AAK1: variants seen among roughly 807,000 people sequenced by gnomAD.
The protein encoded by AAK1 is AP2-associated protein kinase 1.
Under a neutral mutation model 116.0 loss-of-function variants are expected in AAK1, and 37 were observed. The observed-to-expected ratio is 0.32, with a 90% CI of 0.25 to 0.42. AAK1 has a LOEUF of 0.42. AAK1 is among the 10% of genes least tolerant of loss of function. AAK1 has a pLI of 1.00. For missense variants in AAK1, 919 were observed against 1,170.6 expected (o/e 0.79, Z 3.14); for synonymous variants, 458 against 439.9 (o/e 1.04, Z -0.51).
chr2:69,503,998 T>TAA (rs11461187), intron 16 of AAK1, among the ~76,000 whole-genome samples: 115 of 135,994 alleles, frequency 8.5e-4, no homozygotes, highest in Admixed American at 2.7e-3. Flanking sequence ...AAATTCCGTC[T>TAA]AAAAAAAAAA....
Position 69,473,639 on chromosome 2 carries a change from A to G in AAK1, c.*2230T>C. 1 of 980,184 alleles carries G rather than the reference A, an allele frequency of 1.0e-6. No homozygotes were observed. Among genetic ancestry groups the G allele is most frequent in the Middle Eastern group, 5.2e-4 (1 of 1,908 alleles). The allele number at this position is 980,184 out of a possible 1,614,324, so 60.7% of individuals were successfully genotyped here. ...GTAATTATGGGTAATATATGAAAAG[A>G]ACAATTTAGAGATACCTAATTTCTA... On this transcript the variant is annotated 3_prime_UTR_variant, in exon 22 of 22. Transcript: ENST00000409085.
chr2:69,499,701 G>A (rs897656194), intron 16 of AAK1, among the ~76,000 whole-genome samples: 3 of 152,032 alleles, frequency 2.0e-5, no homozygotes, highest in Non-Finnish European at 4.4e-5. Flanking sequence ...CTGCTTTTAA[G>A]TCCTTGAAAT....
At chr2:69,528,948 TCCAACAATTATTAAATGTCATAATC>T (rs1489430251) in intron 8 of AAK1, among the ~76,000 whole-genome samples, 2 of 139,978 alleles carry the variant, frequency 1.4e-5, no homozygotes. Context: ...CTTAAAACAA[TCCAACAATTATTAAATGTCATAATC>T]CAGCCCTTTA....
At chr2:69,557,042 G>T in intron 2 of AAK1, 64 bp from the exon 3 acceptor site, 1 of 1,242,982 alleles carries the variant, frequency 8.0e-7, no homozygotes, top group Non-Finnish European at 1.2e-6. Flanking sequence ...ACATAACTGT[G>T]GTGGCTGGAG....
At chr2:69,550,175 G>A (rs942633659) in intron 3 of AAK1, among the ~76,000 whole-genome samples, 5 of 152,268 alleles carry the variant, frequency 3.3e-5, no homozygotes, top group South Asian at 2.1e-4. Context: ...CTACTGCACC[G>A]CACTGAGCTC....
At chr2:69,620,210 T>C (rs1029044806) in intron 2 of AAK1, among the ~76,000 whole-genome samples, 3 of 152,158 alleles carry the variant, frequency 2.0e-5, no homozygotes, top group African/African-American at 7.2e-5. Flanking sequence ...GATTTTCTGA[T>C]AAACTGAATG....
intron 2 of AAK1, among the ~76,000 whole-genome samples, chr2:69,565,478 C>T (rs934144754): frequency 6.6e-6 from 1 of 152,210 alleles, no homozygotes; most frequent in Non-Finnish European, 1.5e-5. Flanking sequence ...AACTAAAACA[C>T]AGTGAAAAGC....
chr2:69,532,277 C>T, intron 5 of AAK1, 115 bp from the exon 6 acceptor site: 1 of 1,301,082 alleles, frequency 7.7e-7, no homozygotes, highest in Admixed American at 2.1e-5. Context: ...CATTAATGTG[C>T]ACAGGGAAGT....
intron 13 of AAK1, 78 bp downstream of exon 13, chr2:69,514,393 A>G: frequency 4.8e-6 from 7 of 1,450,780 alleles, no homozygotes; most frequent in Non-Finnish European, 5.5e-6. Flanking sequence ...AGCTGCTGCC[A>G]TCTTTCCCAC....
intron 2 of AAK1, among the ~76,000 whole-genome samples, chr2:69,572,503 C>T (rs1362124889): frequency 2.6e-5 from 4 of 151,568 alleles, no homozygotes; most frequent in African/African-American, 7.3e-5. Context: ...ACTGTCATCC[C>T]AGCTACTCGG....
At chr2:69,502,012 A>G (rs1224950305) in intron 16 of AAK1, among the ~76,000 whole-genome samples, 1 of 152,144 alleles carries the variant, frequency 6.6e-6, no homozygotes, top group Non-Finnish European at 1.5e-5. Flanking sequence ...AGATAAAAGC[A>G]AAAGGTAAAG....
intron 11 of AAK1, chr2:69,520,159 A>T (rs1669698178): frequency 4.4e-6 from 1 of 225,374 alleles, no homozygotes; most frequent in Admixed American, 4.1e-5. Flanking sequence ...CCTGGACTGA[A>T]CTCAACACTT....
intron 2 of AAK1, among the ~76,000 whole-genome samples, chr2:69,635,030 C>A (rs888677903): frequency 2.0e-5 from 3 of 151,832 alleles, no homozygotes; most frequent in Non-Finnish European, 4.4e-5. Flanking sequence ...AAAAGGCAAC[C>A]CACAGAATGT....
In AAK1 at chr2:69,615,779, T is replaced by A. The variant is rs146674178; in HGVS notation, c.163+27099A>T. The stretch of plus-strand genomic sequence containing the variant: ...GGAGTTCAATGTCTGCCTTCCCCAC[T>A]AGACTGTAAGCTCTAGGAGAAAAAC... On this transcript the variant is annotated intron_variant, in intron 2 of 21. Transcript: ENST00000409085. Among the ~76,000 whole-genome samples, 4 of 152,346 alleles carry A rather than the reference T, an allele frequency of 2.6e-5. No individual in the cohort carries two copies. The East Asian group carries it at 5.8e-4, about 22-fold the overall frequency.
In AAK1 at chr2:69,583,713, A is replaced by C. The variant is rs1208986350; in HGVS notation, c.164-26735T>G. Among the ~76,000 whole-genome samples, 8 of 152,156 alleles carry C rather than the reference A, an allele frequency of 5.3e-5. No homozygotes were observed. In the East Asian group the frequency reaches 1.5e-3, roughly 29 times the overall value. On this transcript the variant is annotated intron_variant, in intron 2 of 21. Transcript: ENST00000409085. ...CACCTGCCACTTTCTTGATATGTGT[A>C]CAATTTTTTCATCTGATTCTTGGCC... is the stretch of plus-strand genomic sequence containing the variant.
intron 8 of AAK1, 66 bp downstream of exon 8, chr2:69,529,942 T>G: frequency 7.4e-7 from 1 of 1,353,346 alleles, no homozygotes; most frequent in Non-Finnish European, 9.9e-7. Context: ...TCTAATCCCT[T>G]TATCCCCCAA....
chr2:69,579,075 C>A (rs1211550083), intron 2 of AAK1, among the ~76,000 whole-genome samples: 1 of 152,102 alleles, frequency 6.6e-6, no homozygotes, highest in East Asian at 1.9e-4. Context: ...TAGCTACCAC[C>A]CCTTTCCTCT....
intron 16 of AAK1, among the ~76,000 whole-genome samples, chr2:69,500,692 TATATATACACACAC>T (rs1192806360): frequency 1.8e-4 from 20 of 113,472 alleles, no homozygotes; most frequent in African/African-American, 6.1e-4. Context: ...TATATATATA[TATATATACACACAC>T]ACACACACAC....
chr2:69,578,686 C>T (rs190686664), intron 2 of AAK1, among the ~76,000 whole-genome samples: 5 of 152,190 alleles, frequency 3.3e-5, no homozygotes, highest in East Asian at 1.9e-4. Flanking sequence ...TAGAGCCCAT[C>T]GTTTAGGGAC....
Sources: gnomAD v4.1 joint callset for allele counts (sites outside exome capture counted in the v4.1 genomes callset) on GRCh38, gnomAD v4.1.1 for gene constraint, MANE v1.5 for transcripts, NCBI Gene and HGNC (gene_info 2026-07-23, HGNC 2026-07-21) for gene names.